The following AKR1C1 variants were observed in gnomAD, a reference collection of about 807,000 sequenced individuals.
AKR1C1 encodes aldo-keto reductase family 1 member C1.
In AKR1C1, 32 loss-of-function variants were observed where a neutral mutation model predicts 40.6. The ratio of observed to expected loss-of-function variants is 0.79; its 90% CI spans 0.60 to 1.06. The LOEUF is 1.06. Ranked by LOEUF, AKR1C1 falls within the 50% of genes least tolerant of loss-of-function variation. The pLI, the probability that AKR1C1 is intolerant of heterozygous loss-of-function variation, is 0.00. For missense variants in AKR1C1, 320 were observed against 363.5 expected, an observed-to-expected ratio of 0.88 and a Z score of 0.97; for synonymous variants, 105 against 134.2, an observed-to-expected ratio of 0.78 and a Z score of 1.50.
rs1836555418 is a variant in AKR1C1 at position 4,978,136 on chromosome 10, G to A, written c.*394G>A. ...TTCACCCTCTGGGAAAGGGGCAGGT[G>A]ACAGGTATTTATCAGTCAGTGCCTC... On this transcript the variant is annotated 3_prime_UTR_variant, in exon 9 of 9. Transcript: ENST00000380872. 4.6e-6 allele frequency: 1 copy of A among 216,702 alleles called. No homozygotes were observed. The highest frequency in any genetic ancestry group is 8.9e-6 in the Non-Finnish European group (1 of 111,838). The allele number at this position is 216,702 out of a possible 1,614,324, so 13.4% of individuals were successfully genotyped here.
At chr10:4,977,537 G>A (rs1836544607) in intron 8 of AKR1C1, among the ~76,000 whole-genome samples, 163 bp from the exon 9 acceptor site, 1 of 152,214 alleles carries the variant, frequency 6.6e-6, no homozygotes. Flanking sequence ...ATACAGATAT[G>A]ATAAAGTCAC....
intron 7 of AKR1C1, among the ~76,000 whole-genome samples, chr10:4,974,147 T>C (rs1157446353): frequency 1.3e-5 from 2 of 151,588 alleles, no homozygotes; most frequent in East Asian, 3.9e-4. Flanking sequence ...TTTTAGACAT[T>C]AGAAAACCCA....
rs182908887 is a variant in AKR1C1 at position 4,977,673 on chromosome 10, A to C, written c.930-27A>C. 74 of 1,612,436 alleles carry C rather than the reference A, an allele frequency of 4.6e-5. No homozygotes were observed. In the African/African-American group the frequency reaches 7.9e-4, roughly 17 times the overall value. On this transcript the variant is annotated intron_variant, in intron 8 of 8. Transcript: ENST00000380872. Reference sequence around the variant, plus strand: ...TAGTAACGGAGTCATTGCCATTCAGAGTGTGCATTTTTTTTTCTCTTTCCA... The same window carrying C: ...TAGTAACGGAGTCATTGCCATTCAGCGTGTGCATTTTTTTTTCTCTTTCCA...
At chr10:4,969,925 A>C (rs1564316318) in intron 5 of AKR1C1, 2 of 495,344 alleles carry the variant, frequency 4.0e-6, no homozygotes, top group Non-Finnish European at 7.0e-6. Context: ...ATAATTTAAT[A>C]AAAGCATTGA....
chr10:4,972,259 A>T lies in AKR1C1; in HGVS notation c.629A>T (p.Asp210Val). The part of the protein sequence containing the change: ...RKLLDFCKSK[D>V]IVLVAYSALG... ...CTGCTGGATTTCTGCAAGTCAAAAGACATTGTTCTGGTTGCCTATAGTGCT... is the reference window on the plus strand; with the variant it reads ...CTGCTGGATTTCTGCAAGTCAAAAGTCATTGTTCTGGTTGCCTATAGTGCT... Residue 210 changes from aspartate to valine, a missense_variant, in exon 6 of 9, where the codon GAC becomes GTC. Physicochemically the swap from Asp to Val is radical, Grantham distance 152 (BLOSUM62 -3). This residue lies in a region of AKR1C1 where 77 missense variants were observed against 125.3 expected (regional missense o/e 0.61). Transcript: ENST00000380872. 6.2e-7 allele frequency: 1 copy of T among 1,613,990 alleles called. No homozygotes were observed. The highest frequency in any genetic ancestry group is 8.5e-7 in the Non-Finnish European group (1 of 1,180,014).
chr10:4,977,215 T>A (rs1836539177), intron 8 of AKR1C1, among the ~76,000 whole-genome samples: 2 of 152,236 alleles, frequency 1.3e-5, no homozygotes, highest in Admixed American at 1.3e-4. Flanking sequence ...CAATTTACAT[T>A]TCTGAATCTA....
intron 1 of AKR1C1, among the ~76,000 whole-genome samples, chr10:4,964,134 C>T (rs11815346): frequency 0.012 from 1,895 of 152,030 alleles, 44 homozygotes; most frequent in African/African-American, 0.043. Context: ...AAATTTGTAT[C>T]AAAATATTGT....
rs1188120841 is a variant in AKR1C1, at chr10:4,982,335, G to C, written c.*4593G>C. 1.3e-5 allele frequency: 2 copies of C among 152,278 alleles called. No individual in the cohort carries two copies. Among genetic ancestry groups the C allele is most frequent in the Non-Finnish European group, 2.9e-5 (2 of 68,220 alleles). The allele number at this position is 152,278 out of a possible 1,614,324, so 9.4% of individuals were successfully genotyped here. A position where few individuals can be genotyped will look rare whatever the true frequency, so the allele number is the denominator to read the frequency against. On this transcript the variant is annotated 3_prime_UTR_variant, in exon 9 of 9. Coordinates refer to ENST00000380872, the MANE Select transcript of AKR1C1 (RefSeq NM_001353.6). Reference sequence around the variant, plus strand: ...AGTACTTGGCGGAGGGATGCTGGGGGGACCTTCTTAGAAGAGCTGCGCCCC... The same window carrying C: ...AGTACTTGGCGGAGGGATGCTGGGGCGACCTTCTTAGAAGAGCTGCGCCCC...
rs1396272294 is a variant in AKR1C1 at position 4,963,978 on chromosome 10, G to A, written c.84+450G>A. 4 of 744,158 alleles carry A rather than the reference G, an allele frequency of 5.4e-6. No individual in the cohort carries two copies. The Admixed American group carries it at 7.4e-5, about 14-fold the overall frequency. The allele number at this position is 744,158 out of a possible 1,614,324, so 46.1% of individuals were successfully genotyped here. A position where few individuals can be genotyped will look rare whatever the true frequency, so the allele number is the denominator to read the frequency against. ...CCTTGAGCACCACACTGTAATACTA[G>A]ACCTGGCCTAAAGAGAATTTCTCAT... On this transcript the variant is annotated intron_variant, in intron 1 of 8. Transcript: ENST00000380872.
rs1467148596 is a variant in AKR1C1 at position 4,979,549 on chromosome 10, AAGTT to A, written c.*1811_*1814del. The stretch of plus-strand genomic sequence containing the variant: ...CAAGAAAAGATTGACATTTTGTTAA[AAGTT>A]AGTAGTGAAGTGTGTAACGCTTAAG... On this transcript the variant is annotated 3_prime_UTR_variant, in exon 9 of 9. Transcript: ENST00000380872. The A allele has an allele frequency of 1.3e-5, 2 of 152,010 alleles. No individual in the cohort carries two copies. Among genetic ancestry groups the A allele is most frequent in the African/African-American group, 2.4e-5 (1 of 41,254 alleles). The allele number at this position is 152,010 out of a possible 1,614,324, so 9.4% of individuals were successfully genotyped here. A position where few individuals can be genotyped will look rare whatever the true frequency, so the allele number is the denominator to read the frequency against.
intron 5 of AKR1C1, among the ~76,000 whole-genome samples, chr10:4,970,703 C>T (rs1331687919): frequency 3.3e-5 from 5 of 151,212 alleles, no homozygotes; most frequent in Non-Finnish European, 7.4e-5. Flanking sequence ...AGTAAACTAT[C>T]GCAAGAACAA....
intron 3 of AKR1C1, chr10:4,967,323 G>A (rs41305675): frequency 1.1e-5 from 13 of 1,131,300 alleles, no homozygotes; most frequent in African/African-American, 1.6e-5. Flanking sequence ...CAAGGTCTTA[G>A]TTATGATTCC....
At chr10:4,971,328 C>T (rs1836422621) in intron 5 of AKR1C1, among the ~76,000 whole-genome samples, 1 of 151,930 alleles carries the variant, frequency 6.6e-6, no homozygotes, top group Admixed American at 6.6e-5. Context: ...CTTCTTCCTT[C>T]AATTAGCAAT....
intron 7 of AKR1C1, among the ~76,000 whole-genome samples, chr10:4,973,659 G>A (rs1836475378): frequency 6.6e-6 from 1 of 152,164 alleles, no homozygotes; most frequent in Non-Finnish European, 1.5e-5. Context: ...CTTGTTGGAA[G>A]GAGCTGGAAA....
intron 5 of AKR1C1, among the ~76,000 whole-genome samples, chr10:4,971,913 A>G (rs1836435492): frequency 6.6e-6 from 1 of 151,028 alleles, no homozygotes; most frequent in Admixed American, 6.6e-5. Flanking sequence ...GGCTCAAAGA[A>G]TCTTACCTCA....
intron 5 of AKR1C1, among the ~76,000 whole-genome samples, chr10:4,969,387 G>A (rs1325371932): frequency 6.6e-6 from 1 of 152,374 alleles, no homozygotes; most frequent in African/African-American, 2.4e-5. Context: ...CATGGGCTTC[G>A]GATGTCTCAG....
chr10:4,965,786 C>T (rs1377678963), intron 1 of AKR1C1, 128 bp from the exon 2 acceptor site: 2 of 1,112,464 alleles, frequency 1.8e-6, no homozygotes, highest in South Asian at 1.7e-5. Flanking sequence ...GGGATGGGCT[C>T]ATGATTCTAC....
intron 5 of AKR1C1, among the ~76,000 whole-genome samples, chr10:4,970,464 A>G (rs556056608): frequency 8.9e-4 from 135 of 152,200 alleles, no homozygotes; most frequent in African/African-American, 3.1e-3. Flanking sequence ...GCAAGAAAAT[A>G]TTTTTATCAT....
At position 4,978,012 on chromosome 10, in the gene AKR1C1, A is replaced by G. The variant is rs1448627119; in HGVS notation, c.*270A>G. 4.0e-6 allele frequency: 2 copies of G among 501,854 alleles called. No homozygotes were observed. The highest frequency in any genetic ancestry group is 7.0e-6 in the Non-Finnish European group (2 of 284,170). The allele number at this position is 501,854 out of a possible 1,614,324, so 31.1% of individuals were successfully genotyped here. Reference sequence around the variant, plus strand: ...ATGTTTTCTTTCCTTCTGACACACTAGTGCCCCTAAATTGTGATTTGCCTA... The same window carrying G: ...ATGTTTTCTTTCCTTCTGACACACTGGTGCCCCTAAATTGTGATTTGCCTA... On this transcript the variant is annotated 3_prime_UTR_variant, in exon 9 of 9. Transcript: ENST00000380872.
Sources: gnomAD v4.1 joint callset for allele counts (sites outside exome capture counted in the v4.1 genomes callset) on GRCh38, gnomAD v4.1.1 for gene constraint, gnomAD v4.1.1 regional missense constraint, MANE v1.5 for transcripts, NCBI Gene and HGNC (gene_info 2026-07-23, HGNC 2026-07-21) for gene names.